The following PYGM variants were observed in gnomAD, a reference collection of about 807,000 sequenced individuals.
PYGM encodes glycogen phosphorylase, muscle form.
In PYGM, 81 loss-of-function variants were observed where a neutral mutation model predicts 99.3. The observed-to-expected ratio is 0.82, with a 90% confidence interval of 0.68 to 0.98. The LOEUF is 0.98. Ranked by LOEUF, PYGM falls within the 50% of genes least tolerant of loss-of-function variation. The pLI, the probability that PYGM is intolerant of heterozygous loss-of-function variation, is 0.00. For missense variants in PYGM, 1,030 were observed against 1,158.1 expected (o/e 0.89, Z 1.61); for synonymous variants, 436 against 451.5 (o/e 0.97, Z 0.44).
chr11:64,753,491 G>A, intron 11 of PYGM, 28 bp downstream of exon 11: 1 of 1,562,202 alleles, frequency 6.4e-7, no homozygotes, highest in East Asian at 2.3e-5. Context: ...GGCCTAGAGA[G>A]GGGCGGGATC....
chr11:64,752,342 C>T (rs1245978272), intron 13 of PYGM, 61 bp downstream of exon 13: 1 of 1,570,358 alleles, frequency 6.4e-7, no homozygotes, highest in Admixed American at 1.7e-5. Context: ...CTGACCCAGA[C>T]ATCTGGCCCC....
intron 17 of PYGM, among the ~76,000 whole-genome samples, chr11:64,749,182 A>G (rs997131846): frequency 1.9e-4 from 29 of 150,818 alleles, no homozygotes; most frequent in African/African-American, 7.1e-4. Flanking sequence ...CCCCGTCTCT[A>G]CTAAAAATAC....
Position 64,759,971 on chromosome 11 carries a change from G to A in PYGM, c.-73C>T, listed in dbSNP as rs889782652. On this transcript the variant is annotated 5_prime_UTR_variant, in exon 1 of 20. Transcript: ENST00000164139. ...GGCCTCAGCACTGCCTCCAGCCAAG[G>A]AGTGGAGCTCCCCAGCCTCAAGGGG... The A allele has an allele frequency of 2.2e-5, 35 of 1,589,536 alleles. No individual in the cohort carries two copies. The highest frequency in any genetic ancestry group is 3.0e-5 in the Non-Finnish European group (35 of 1,166,294).
chr11:64,751,429 C>A lies in PYGM; in HGVS notation c.1865G>T (p.Arg622Ile). The A allele has an allele frequency of 6.2e-7, 1 of 1,614,142 alleles. No homozygotes were observed. Among genetic ancestry groups the A allele is most frequent in the East Asian group, 2.2e-5 (1 of 44,888 alleles). Reference sequence around the variant, plus strand: ...CACATCCCCGATGGCTGTGACGAGTCTGATGATCATCTTGGCCATGTGGTA... The same window carrying A: ...CACATCCCCGATGGCTGTGACGAGTATGATGATCATCTTGGCCATGTGGTA... Reference protein sequence around the residue: ...PGYHMAKMIIRLVTAIGDVVN... With the variant: ...PGYHMAKMIIILVTAIGDVVN... Residue 622 changes from arginine to isoleucine, a missense_variant, in exon 16 of 20, where the codon AGA becomes ATA. By Grantham distance (97) the Arg-to-Ile change is moderately conservative. Coordinates refer to ENST00000164139, the MANE Select transcript of PYGM (RefSeq NM_005609.4).
rs747771739 is a variant in PYGM, at chr11:64,747,315, G to A, written c.2221C>T (p.Gln741Ter). The A allele has an allele frequency of 6.2e-7, 1 of 1,614,210 alleles. No homozygotes were observed. The highest frequency in any genetic ancestry group is 1.1e-5 in the South Asian group (1 of 91,088). The change falls in exon 18 of 20, where the codon CAG (glutamine) becomes TAG (stop). Residue 741 changes from glutamine (Q) to a stop codon, truncating the protein, a stop_gained. Coordinates refer to ENST00000164139, the MANE Select transcript of PYGM (RefSeq NM_005609.4). LOFTEE classifies it high-confidence loss of function. ...CCACTGCTCAGCTGCTCAATGACCT[G>A]CCGAAGCTCAGGAATGCGATCGTAG... ...EYYDRIPELR[Q>*]VIEQLSSGFF...
intron 1 of PYGM, 103 bp from the exon 2 acceptor site, chr11:64,758,807 GCA>G: frequency 2.0e-6 from 2 of 1,019,158 alleles, no homozygotes; most frequent in South Asian, 2.6e-5. Flanking sequence ...GCCCTGCTCA[GCA>G]GTCCCATCCC....
rs1392016652 is a variant in PYGM, at chr11:64,746,472, C to T, written c.*187G>A. ...CATAAATAGGAGGGGACCGGGAGCC[C>T]GAGGACGGAAGGGGGCCCGTGTCCT... On this transcript the variant is annotated 3_prime_UTR_variant, in exon 20 of 20. Transcript: ENST00000164139. 9.0e-6 allele frequency: 7 copies of T among 776,902 alleles called. No individual in the cohort carries two copies. Among genetic ancestry groups the T allele is most frequent in the Non-Finnish European group, 1.4e-5 (7 of 484,506 alleles). 48.1% of individuals were successfully genotyped at this position (776,902 alleles called of 1,614,324 possible).
Position 64,746,771 on chromosome 11 carries a change from A to G in PYGM, c.2417T>C (p.Ile806Thr), listed in dbSNP as rs373305106. Residue 806 changes from isoleucine (I) to threonine (T), a missense_variant, in exon 20 of 20, where the codon ATA becomes ACA. Ile to Thr is a moderately conservative substitution (Grantham distance 89). Transcript: ENST00000164139. Reference protein sequence around the residue: ...REWTRMVIRNIATSGKFSSDR... With the variant: ...REWTRMVIRNTATSGKFSSDR... ...ACTGGAGAACTTGCCAGAGGTGGCT[A>G]TGTTCCGGATCACCATCCGCGTCCA... is the stretch of plus-strand genomic sequence containing the variant. 2 of 1,614,100 alleles carry G rather than the reference A, an allele frequency of 1.2e-6. No homozygotes were observed. Among genetic ancestry groups the G allele is most frequent in the East Asian group, 2.2e-5 (1 of 44,874 alleles).
At chr11:64,752,115 T>C in intron 13 of PYGM, 44 bp from the exon 14 acceptor site, 1 of 1,613,544 alleles carries the variant, frequency 6.2e-7, no homozygotes, top group Non-Finnish European at 8.5e-7. Context: ...GGCCACAGCC[T>C]CAGGAAATCC....
Position 64,754,197 on chromosome 11 carries a change from G to T in PYGM, c.1092+56C>A. 1.3e-6 allele frequency: 2 copies of T among 1,589,018 alleles called. No individual in the cohort carries two copies. Among genetic ancestry groups the T allele is most frequent in the African/African-American group, 1.3e-5 (1 of 74,382 alleles). Reference sequence around the variant, plus strand: ...ATATCCTCCCACGCTCCCAAACTGGGAAGGGAACCCCGAGGCAGAGAGCAT... The same window carrying T: ...ATATCCTCCCACGCTCCCAAACTGGTAAGGGAACCCCGAGGCAGAGAGCAT... On this transcript the variant is annotated intron_variant, in intron 9 of 19. Transcript: ENST00000164139. This position sits in a 1 kb window ranked among gnomAD's most constrained non-coding sequence, Gnocchi z 5.5.
Position 64,759,652 on chromosome 11 carries a change from G to A in PYGM, c.243+4C>T, listed in dbSNP as rs2058419885. On this transcript the variant is annotated splice_donor_region_variant and intron_variant, in intron 1 of 19. Transcript: ENST00000164139. The stretch of plus-strand genomic sequence containing the variant: ...TACCCCCACCCCAGGCTCCCCAGCA[G>A]CACCTTGGGGTCCTTCTCATAGTAG... The A allele has an allele frequency of 1.2e-6, 2 of 1,613,300 alleles. No homozygotes were observed. Among genetic ancestry groups the A allele is most frequent in the East Asian group, 2.2e-5 (1 of 44,892 alleles).
intron 5 of PYGM, among the ~76,000 whole-genome samples, chr11:64,757,354 A>G (rs1330494887): frequency 6.6e-6 from 1 of 152,076 alleles, no homozygotes; most frequent in East Asian, 1.9e-4. Flanking sequence ...CACTGTGTCT[A>G]GATTTGGTTT....
chr11:64,749,097 C>G (rs1331939138), intron 17 of PYGM, among the ~76,000 whole-genome samples: 2 of 149,416 alleles, frequency 1.3e-5, no homozygotes, highest in African/African-American at 5.0e-5. Context: ...CCTGTAAGCC[C>G]AGCACTTGGG....
intron 10 of PYGM, 89 bp from the exon 11 acceptor site, chr11:64,753,771 C>A: frequency 2.0e-6 from 3 of 1,509,646 alleles, no homozygotes; most frequent in South Asian, 2.4e-5. Context: ...CTGCCCAGTG[C>A]CCCCACTGCC....
chr11:64,755,318 T>G lies in PYGM; in HGVS notation c.810A>C (p.Arg270=). Residue 270 remains arginine (R), a synonymous_variant, in exon 7 of 20, where the codon CGA becomes CGC. Transcript: ENST00000164139. The surrounding 1 kb of genome is among the most constrained non-coding windows in gnomAD (Gnocchi z 4.1). ...CACGAGAGATGTTCTCCGCCAGGTT[T>G]CGGTCCAACACAGCCTGGATGTAGC... ...VGGYIQAVLD[R]NLAENISRVL... The G allele has an allele frequency of 6.2e-7, 1 of 1,614,110 alleles. No homozygotes were observed. Among genetic ancestry groups the G allele is most frequent in the East Asian group, 2.2e-5 (1 of 44,860 alleles).
chr11:64,747,497 G>A (rs1394267900), intron 17 of PYGM, 139 bp from the exon 18 acceptor site: 10 of 1,085,238 alleles, frequency 9.2e-6, no homozygotes, highest in Admixed American at 2.0e-5. Context: ...CATCGCCCCT[G>A]CAGGGCCTCC....
At chr11:64,757,986 G>T in intron 4 of PYGM, 76 bp from the exon 5 acceptor site, 1 of 1,592,330 alleles carries the variant, frequency 6.3e-7, no homozygotes, top group Non-Finnish European at 8.5e-7. Context: ...GGGGCAGGGT[G>T]GGGGCCGTGG....
intron 12 of PYGM, 141 bp from the exon 13 acceptor site, chr11:64,752,645 C>T (rs1275106281): frequency 9.3e-6 from 8 of 861,778 alleles, no homozygotes; most frequent in Middle Eastern, 2.4e-4. Flanking sequence ...CTCCTCCAGC[C>T]GCCCAGATGG....
chr11:64,751,507 C>T, intron 15 of PYGM, 41 bp from the exon 16 acceptor site: 1 of 1,614,116 alleles, frequency 6.2e-7, no homozygotes, highest in Middle Eastern at 1.6e-4. Context: ...CTGCCTGGCC[C>T]CCCACCCCCT....
Sources: gnomAD v4.1 joint callset for allele counts (sites outside exome capture counted in the v4.1 genomes callset) on GRCh38, gnomAD v4.1.1 for gene constraint, Gnocchi (gnomAD v3.1) non-coding constraint, MANE v1.5 for transcripts, NCBI Gene and HGNC (gene_info 2026-07-23, HGNC 2026-07-21) for gene names.